RNF185: variants seen among roughly 807,000 people sequenced by gnomAD.
RNF185 encodes E3 ubiquitin-protein ligase RNF185.
A neutral mutation model predicts 24.9 loss-of-function variants in RNF185; 13 were observed. The observed-to-expected ratio is 0.52, with a 90% CI of 0.34 to 0.83. The LOEUF (loss-of-function observed/expected upper bound fraction) is 0.83. RNF185 is among the 40% of genes least tolerant of loss of function. The pLI is 0.01. For missense variants in RNF185, 184 were observed against 244.7 expected, an observed-to-expected ratio of 0.75 and a Z score of 1.65; for synonymous variants, 79 against 90.3, an observed-to-expected ratio of 0.88 and a Z score of 0.71.
In RNF185 at chr22:31,165,459, C is replaced by T. The variant is rs186801396; in HGVS notation, c.-49+5156C>T. Among the ~76,000 whole-genome samples the T allele has an allele frequency of 4.6e-5, 7 of 152,220 alleles. No individual in the cohort carries two copies. In the East Asian group the frequency reaches 9.6e-4, roughly 21 times the overall value. On this transcript the variant is annotated intron_variant, in intron 1 of 6. Coordinates refer to ENST00000326132, the MANE Select transcript of RNF185 (RefSeq NM_152267.4). ...ATTTTGTAATTGAGTTATTTGTTAT[C>T]GTGTACAATTTTGAATGTAGGTATT...
At chr22:31,172,422 A>G (rs993529753) in intron 1 of RNF185, among the ~76,000 whole-genome samples, 1 of 151,910 alleles carries the variant, frequency 6.6e-6, no homozygotes, top group African/African-American at 2.4e-5. Flanking sequence ...TTCTTTGTCT[A>G]ATAGGGGCTA....
chr22:31,176,219 T>C (rs1442521724), intron 1 of RNF185, among the ~76,000 whole-genome samples: 1 of 152,154 alleles, frequency 6.6e-6, no homozygotes, highest in Non-Finnish European at 1.5e-5. Flanking sequence ...CTTTTTAACC[T>C]GCTGATAACA....
In RNF185 at chr22:31,187,144, C is replaced by T. The variant is rs1229143951; in HGVS notation, c.50C>T (p.Ala17Val). 1.9e-6 allele frequency: 3 copies of T among 1,613,408 alleles called. No individual in the cohort carries two copies. The Admixed American group carries it at 5.0e-5, about 27-fold the overall frequency. ...SASASPENSSAGGPSGSSNGA... is the reference protein window; with the variant it reads ...SASASPENSSVGGPSGSSNGA... ...TCTGCATCTCCTGAGAACTCCAGTG[C>T]AGGGGGGCCCAGTGGGAGCAGCAAT... Residue 17 changes from alanine to valine, a missense_variant, in exon 2 of 7, where the codon GCA becomes GTA. Physicochemically the swap from Ala to Val is moderately conservative, Grantham distance 64 (BLOSUM62 0). Coordinates refer to ENST00000326132, the MANE Select transcript of RNF185 (RefSeq NM_152267.4).
intron 1 of RNF185, among the ~76,000 whole-genome samples, chr22:31,170,281 C>T (rs2047915484): frequency 1.3e-5 from 2 of 152,080 alleles, no homozygotes; most frequent in South Asian, 2.1e-4. Flanking sequence ...CTCCGCCTCC[C>T]GGGTTCATGC....
intron 1 of RNF185, among the ~76,000 whole-genome samples, chr22:31,177,837 A>G (rs1875015240): frequency 6.6e-6 from 1 of 152,256 alleles, no homozygotes; most frequent in African/African-American, 2.4e-5. Flanking sequence ...GAAAAGGCAG[A>G]TGATGAATTC....
intron 1 of RNF185, among the ~76,000 whole-genome samples, chr22:31,181,443 C>A (rs2048035624): frequency 6.6e-6 from 1 of 152,192 alleles, no homozygotes; most frequent in Non-Finnish European, 1.5e-5. Flanking sequence ...CAACCAACTT[C>A]CTTGTTCTTG....
chr22:31,183,812 C>T lies in RNF185; in HGVS notation c.-48-3235C>T, dbSNP rs2048064503. Among the ~76,000 whole-genome samples the T allele has an allele frequency of 2.0e-5, 3 of 152,208 alleles. No homozygotes were observed. The South Asian group carries it at 6.2e-4, about 31-fold the overall frequency. ...TACACAGACACAATAACAATCTGAT[C>T]TCTCTTTCTTTTCCCCACATTTCCC... On this transcript the variant is annotated intron_variant, in intron 1 of 6. Transcript: ENST00000326132.
intron 6 of RNF185, among the ~76,000 whole-genome samples, chr22:31,204,048 A>G (rs2048290240): frequency 5.0e-5 from 2 of 40,198 alleles, no homozygotes; most frequent in African/African-American, 1.0e-4. Context: ...CCTCAAAAAG[A>G]AAAAAAAAAA....
chr22:31,182,955 C>G (rs2048054147), intron 1 of RNF185: 1 of 141,028 alleles, frequency 7.1e-6, no homozygotes, highest in Admixed American at 7.4e-5. Flanking sequence ...TGGAGTCTCT[C>G]TCTTGTCACC....
intron 2 of RNF185, among the ~76,000 whole-genome samples, chr22:31,189,525 C>T (rs1327089298): frequency 6.6e-6 from 1 of 151,406 alleles, no homozygotes; most frequent in South Asian, 2.1e-4. Context: ...TCAAACTCCT[C>T]ACCTCAAGTG....
intron 1 of RNF185, among the ~76,000 whole-genome samples, chr22:31,174,052 C>T (rs1010868740): frequency 1.3e-5 from 2 of 152,208 alleles, no homozygotes; most frequent in African/African-American, 4.8e-5. Context: ...GGGGGATTAA[C>T]ATTTCATGAG....
chr22:31,197,253 G>T, intron 5 of RNF185: 1 of 378,972 alleles, frequency 2.6e-6, no homozygotes, highest in Non-Finnish European at 4.9e-6. Context: ...GTATTTTACA[G>T]ATGTGTGTAT....
chr22:31,183,862 A>G lies in RNF185; in HGVS notation c.-48-3185A>G, dbSNP rs78862372. 0.035 allele frequency among the ~76,000 whole-genome samples: 5,348 copies of G among 152,106 alleles called. 512 individuals carry two copies. The East Asian group carries it at 0.39, about 11-fold the overall frequency. ...CCCTTTTCTATTCGACAAAACCGCT[A>G]TTGTCATCATGGCCCGTTCTCAATG... On this transcript the variant is annotated intron_variant, in intron 1 of 6. Transcript: ENST00000326132.
chr22:31,175,038 A>T (rs1194577597), intron 1 of RNF185, among the ~76,000 whole-genome samples: 1 of 150,800 alleles, frequency 6.6e-6, no homozygotes, highest in African/African-American at 2.4e-5. Context: ...GCGCCGTTGC[A>T]CTTCAGTTGG....
intron 1 of RNF185, among the ~76,000 whole-genome samples, chr22:31,183,694 G>A (rs1049290976): frequency 6.6e-6 from 1 of 152,154 alleles, no homozygotes; most frequent in Non-Finnish European, 1.5e-5. Context: ...GAGAGCAGGG[G>A]TTGGGGGTAA....
At chr22:31,182,518 T>C (rs1016346778) in intron 1 of RNF185, among the ~76,000 whole-genome samples, 1 of 152,176 alleles carries the variant, frequency 6.6e-6, no homozygotes, top group East Asian at 1.9e-4. Context: ...CAGGCTGGTC[T>C]CCACCTCCTG....
intron 1 of RNF185, among the ~76,000 whole-genome samples, chr22:31,166,259 G>A (rs1054154086): frequency 2.6e-5 from 4 of 151,972 alleles, no homozygotes; most frequent in African/African-American, 9.7e-5. Flanking sequence ...CCAAAGTGCT[G>A]GGATTACAGG....
chr22:31,162,386 T>C (rs1923633455), intron 1 of RNF185, among the ~76,000 whole-genome samples: 1 of 152,220 alleles, frequency 6.6e-6, no homozygotes, highest in Admixed American at 6.5e-5. Flanking sequence ...AGTGTCTGAA[T>C]TGACATTCTC....
chr22:31,193,815 G>GAA (rs778695789), intron 3 of RNF185, among the ~76,000 whole-genome samples: 1 of 141,658 alleles, frequency 7.1e-6, no homozygotes, highest in Non-Finnish European at 1.5e-5. Context: ...CCAAAAAACC[G>GAA]AAAAAAAAAT....
Sources: gnomAD v4.1 joint callset for allele counts (sites outside exome capture counted in the v4.1 genomes callset) on GRCh38, gnomAD v4.1.1 for gene constraint, MANE v1.5 for transcripts, NCBI Gene and HGNC (gene_info 2026-07-23, HGNC 2026-07-21) for gene names.